Variants in CDYL observed in about 807,000 individuals in gnomAD.
CDYL encodes chromodomain Y like.
In CDYL, 8 loss-of-function variants were observed where a neutral mutation model predicts 47.3. That is an observed-to-expected ratio of 0.17 (90% CI 0.10 to 0.31). The LOEUF is 0.31. Ranked by LOEUF, CDYL falls within the 10% of genes least tolerant of loss-of-function variation. The pLI, the probability that CDYL is intolerant of heterozygous loss-of-function variation, is 1.00. For missense variants in CDYL, 471 were observed against 701.4 expected, an observed-to-expected ratio of 0.67 and a Z score of 3.71; for synonymous variants, 266 against 265.0, an observed-to-expected ratio of 1.00 and a Z score of -0.04.
intron 1 of CDYL, among the ~76,000 whole-genome samples, chr6:4,833,504 A>G (rs1000768162): frequency 6.7e-6 from 1 of 150,276 alleles, no homozygotes; most frequent in Non-Finnish European, 1.5e-5. Flanking sequence ...TATGTGGTCA[A>G]TTTTGGAATA....
intron 1 of CDYL, among the ~76,000 whole-genome samples, chr6:4,868,750 A>G (rs547700787): frequency 6.6e-6 from 1 of 152,298 alleles, no homozygotes; most frequent in South Asian, 2.1e-4. Flanking sequence ...ATAAATGTAG[A>G]ATTGTGTATT....
intron 2 of CDYL, among the ~76,000 whole-genome samples, chr6:4,728,027 A>G (rs1561827350): frequency 6.6e-6 from 1 of 152,176 alleles, no homozygotes; most frequent in South Asian, 2.1e-4. Context: ...AGGGTTTACA[A>G]CTGAGACGAC....
intron 1 of CDYL, among the ~76,000 whole-genome samples, chr6:4,710,856 G>A (rs951393917): frequency 2.0e-5 from 3 of 151,808 alleles, no homozygotes; most frequent in African/African-American, 4.8e-5. Flanking sequence ...GCTGACCGTA[G>A]CTAATAACAC....
chr6:4,897,784 G>GTTTTTT (rs1375786595), intron 2 of CDYL, among the ~76,000 whole-genome samples: 30 of 15,932 alleles, frequency 1.9e-3, no homozygotes, highest in African/African-American at 4.4e-3. Flanking sequence ...GGTTTTGAAG[G>GTTTTTT]TTTTTGTTTT....
At chr6:4,763,004 ACCC>A (rs1365027508) in intron 3 of CDYL, among the ~76,000 whole-genome samples, 2 of 152,150 alleles carry the variant, frequency 1.3e-5, no homozygotes, top group Non-Finnish European at 2.9e-5. Context: ...ACTGCTGAAA[ACCC>A]AAGACAAAGA....
chr6:4,755,051 TTTTTG>T (rs991991474), intron 3 of CDYL, among the ~76,000 whole-genome samples: 5 of 152,036 alleles, frequency 3.3e-5, no homozygotes, highest in East Asian at 3.9e-4. Context: ...TGTTTTTTGT[TTTTTG>T]TTTTGTTTTG....
At chr6:4,728,975 G>A (rs1757558939) in intron 2 of CDYL, among the ~76,000 whole-genome samples, 1 of 152,166 alleles carries the variant, frequency 6.6e-6, no homozygotes, top group African/African-American at 2.4e-5. Context: ...CCCAAGCCCA[G>A]TCCCAGCACA....
intron 2 of CDYL, among the ~76,000 whole-genome samples, chr6:4,729,481 T>A (rs1008766524): frequency 6.6e-6 from 1 of 152,216 alleles, no homozygotes; most frequent in African/African-American, 2.4e-5. Flanking sequence ...GGTTATACAT[T>A]GCTTTAGAGA....
intron 3 of CDYL, among the ~76,000 whole-genome samples, chr6:4,752,055 A>G (rs985424514): frequency 2.0e-5 from 3 of 152,148 alleles, no homozygotes; most frequent in Admixed American, 6.6e-5. Flanking sequence ...ATGTGACCCA[A>G]TGAATCAATC....
At chr6:4,820,866 G>A (rs759817597) in intron 1 of CDYL, among the ~76,000 whole-genome samples, 2 of 152,156 alleles carry the variant, frequency 1.3e-5, no homozygotes, top group Non-Finnish European at 2.9e-5. Flanking sequence ...CAGAAACACG[G>A]GAATCATGAG....
chr6:4,850,580 A>G (rs897081190), intron 1 of CDYL, among the ~76,000 whole-genome samples: 7 of 152,346 alleles, frequency 4.6e-5, no homozygotes, highest in Admixed American at 1.3e-4. Context: ...ATGCTACTGT[A>G]TAGCCCTAAA....
chr6:4,734,674 A>C, intron 2 of CDYL: 5 of 1,538,592 alleles, frequency 3.2e-6, no homozygotes, highest in Admixed American at 1.8e-5. Context: ...AGGGATGGGA[A>C]GTTGGGGGAT....
chr6:4,741,941 A>G (rs1055813611), intron 3 of CDYL, among the ~76,000 whole-genome samples: 1 of 152,220 alleles, frequency 6.6e-6, no homozygotes, highest in African/African-American at 2.4e-5. Context: ...GTGCTCGATC[A>G]TGTCTGCATG....
At chr6:4,929,290 T>C (rs1411869531) in intron 2 of CDYL, among the ~76,000 whole-genome samples, 1 of 152,174 alleles carries the variant, frequency 6.6e-6, no homozygotes, top group Non-Finnish European at 1.5e-5. Flanking sequence ...TTGTATACTT[T>C]CTGAATGTAA....
At chr6:4,784,132 C>T (rs1322440580) in intron 1 of CDYL, among the ~76,000 whole-genome samples, 2 of 152,138 alleles carry the variant, frequency 1.3e-5, no homozygotes, top group Admixed American at 6.5e-5. Context: ...CTGTTTTATT[C>T]AACCATTGAG....
chr6:4,714,896 G>A (rs1374940393), intron 1 of CDYL: 2 of 152,142 alleles, frequency 1.3e-5, no homozygotes, highest in Non-Finnish European at 2.9e-5. Context: ...ACCTGAGTGA[G>A]GGTTCCACTC....
At chr6:4,778,965 C>CCCTT (rs1419918147) in intron 1 of CDYL, among the ~76,000 whole-genome samples, 1 of 152,154 alleles carries the variant, frequency 6.6e-6, no homozygotes, top group African/African-American at 2.4e-5. Context: ...ATCAGTGTTT[C>CCCTT]CCTTATAGAG....
At chr6:4,852,806 C>CT (rs528608801) in intron 1 of CDYL, among the ~76,000 whole-genome samples, 2,426 of 146,720 alleles carry the variant, frequency 0.017, 42 homozygotes, top group African/African-American at 0.044. Context: ...TTTCTTTGTT[C>CT]TTTTTTTTTT....
intron 3 of CDYL, among the ~76,000 whole-genome samples, chr6:4,762,092 T>C (rs1033055112): frequency 1.3e-5 from 2 of 152,126 alleles, no homozygotes; most frequent in Admixed American, 1.3e-4. Flanking sequence ...GCCACAAAGA[T>C]CTAAGGTGAC....
Sources: gnomAD v4.1 joint callset for allele counts (sites outside exome capture counted in the v4.1 genomes callset) on GRCh38, gnomAD v4.1.1 for gene constraint, MANE v1.5 for transcripts, NCBI Gene and HGNC (gene_info 2026-07-23, HGNC 2026-07-21) for gene names.